FNTB: variants seen among roughly 807,000 people sequenced by gnomAD.
FNTB encodes farnesyltransferase, CAAX box, subunit beta.
Under a neutral mutation model 59.4 loss-of-function variants are expected in FNTB, and 27 were observed. That is an observed-to-expected ratio of 0.45 (90% CI 0.34 to 0.63). The LOEUF (loss-of-function observed/expected upper bound fraction) is 0.63. Ranked by LOEUF, FNTB falls within the 20% of genes least tolerant of loss-of-function variation. The pLI, the probability that FNTB is intolerant of heterozygous loss-of-function variation, is 0.02. For synonymous variants in FNTB, 230 were observed against 220.7 expected (o/e 1.04, Z -0.37); for missense variants, 449 against 559.6 (o/e 0.80, Z 1.99).
At chr14:64,989,717 G>T (rs1197081434) in intron 1 of FNTB, among the ~76,000 whole-genome samples, 1 of 152,182 alleles carries the variant, frequency 6.6e-6, no homozygotes, top group African/African-American at 2.4e-5. Context: ...AAATACTTGA[G>T]CGCCTTCTAC....
chr14:65,029,310 G>A lies in FNTB; in HGVS notation c.605+1529G>A, dbSNP rs1480651669. ...TTCTTTCATTGTCCTTTGCCTGGAAGCATCAGCCAGTCCTCAGGAGTGCTT... is the reference window on the plus strand; with the variant it reads ...TTCTTTCATTGTCCTTTGCCTGGAAACATCAGCCAGTCCTCAGGAGTGCTT... On this transcript the variant is annotated intron_variant, in intron 6 of 11. Coordinates refer to ENST00000246166, the MANE Select transcript of FNTB (RefSeq NM_002028.4). This position sits in a 1 kb window ranked among gnomAD's most constrained non-coding sequence, Gnocchi z 4.7. Among the ~76,000 whole-genome samples, 2 of 152,208 alleles carry A rather than the reference G, an allele frequency of 1.3e-5. No homozygotes were observed. The highest frequency in any genetic ancestry group is 2.9e-5 in the Non-Finnish European group (2 of 68,040).
intron 9 of FNTB, among the ~76,000 whole-genome samples, chr14:65,049,011 C>T (rs966426826): frequency 6.6e-6 from 1 of 151,780 alleles, no homozygotes; most frequent in African/African-American, 2.4e-5. Context: ...CCTGTAATCC[C>T]AGCTACTCAG....
In FNTB at chr14:65,062,243, C is replaced by G. The variant is rs539337859; in HGVS notation, c.*931C>G. 8.5e-5 allele frequency: 13 copies of G among 152,434 alleles called. No homozygotes were observed. Among genetic ancestry groups the G allele is most frequent in the African/African-American group, 3.1e-4 (13 of 41,604 alleles). The allele number at this position is 152,434 out of a possible 1,614,324, so 9.4% of individuals were successfully genotyped here. A position where few individuals can be genotyped will look rare whatever the true frequency, so the allele number is the denominator to read the frequency against. On this transcript the variant is annotated 3_prime_UTR_variant, in exon 12 of 12. Transcript: ENST00000246166. The surrounding 1 kb of genome is among the most constrained non-coding windows in gnomAD (Gnocchi z 4.3). ...TCTTTTCTCACCAAGAGTATTAACA[C>G]TACTAAGTCTTTCACCTTAACTTAT...
chr14:64,988,733 G>T (rs1402550004), intron 1 of FNTB, among the ~76,000 whole-genome samples: 1 of 152,082 alleles, frequency 6.6e-6, no homozygotes, highest in African/African-American at 2.4e-5. Flanking sequence ...CTCCTGGTGC[G>T]AGTATCTTTC....
rs114296392 is a variant in FNTB at position 64,998,657 on chromosome 14, C to T, written c.145-5592C>T. ...GGCTTTATTTGTCAGGATTTTTAAA[C>T]ACAAGTGACTCCATTTTGATTTTGA... is the stretch of plus-strand genomic sequence containing the variant. On this transcript the variant is annotated intron_variant, in intron 1 of 11. Transcript: ENST00000246166. Among the ~76,000 whole-genome samples, 1,003 of 152,294 alleles carry T rather than the reference C, an allele frequency of 6.6e-3. 13 individuals are homozygous for T. The highest frequency in any genetic ancestry group is 0.023 in the African/African-American group (949 of 41,572).
Position 65,044,995 on chromosome 14 carries a change from T to G in FNTB, c.955+552T>G, listed in dbSNP as rs1163216654. Among the ~76,000 whole-genome samples, 1 of 152,202 alleles carries G rather than the reference T, an allele frequency of 6.6e-6. No homozygotes were observed. Among genetic ancestry groups the G allele is most frequent in the Non-Finnish European group, 1.5e-5 (1 of 68,036 alleles). ...CTATTAGAAATGTTTTATTTTACAT[T>G]CATTGAATAAGCCTAAATGGGAGTT... is the stretch of plus-strand genomic sequence containing the variant. On this transcript the variant is annotated intron_variant, in intron 9 of 11. Transcript: ENST00000246166. The surrounding 1 kb of genome is among the most constrained non-coding windows in gnomAD (Gnocchi z 5.5).
intron 9 of FNTB, among the ~76,000 whole-genome samples, chr14:65,050,497 A>G (rs140004454): frequency 0.021 from 3,142 of 152,298 alleles, 66 homozygotes; most frequent in African/African-American, 0.051. Context: ...AGGCTGAGAC[A>G]GGAGAATGAC....
At position 65,009,378 on chromosome 14, in the gene FNTB, C is replaced by G. The variant is rs73268763; in HGVS notation, c.210-2939C>G. Among the ~76,000 whole-genome samples the G allele has an allele frequency of 0.02, 3,019 of 152,158 alleles. 72 individuals carry two copies. The highest frequency in any genetic ancestry group is 0.081 in the East Asian group (419 of 5,176). On this transcript the variant is annotated intron_variant, in intron 2 of 11. Coordinates refer to ENST00000246166, the MANE Select transcript of FNTB (RefSeq NM_002028.4). The surrounding 1 kb of genome is among the most constrained non-coding windows in gnomAD (Gnocchi z 4.2). ...CTAACTGCCTTATAATCCTTTTATT[C>G]GTCTCATGTAGATTCCCTAACACAC...
rs1436252629 is a variant in FNTB at position 65,047,476 on chromosome 14, T to C, written c.955+3033T>C. ...AATGCTAATCAAAAGAGTGGCACTA[T>C]TTGTTTTTATTATTGGATTGGCAGA... On this transcript the variant is annotated intron_variant, in intron 9 of 11. Coordinates refer to ENST00000246166, the MANE Select transcript of FNTB (RefSeq NM_002028.4). The surrounding 1 kb of genome is among the most constrained non-coding windows in gnomAD (Gnocchi z 5.2). Among the ~76,000 whole-genome samples the C allele has an allele frequency of 6.6e-6, 1 of 152,214 alleles. No individual in the cohort carries two copies. Among genetic ancestry groups the C allele is most frequent in the African/African-American group, 2.4e-5 (1 of 41,444 alleles).
intron 9 of FNTB, among the ~76,000 whole-genome samples, chr14:65,050,558 T>A (rs917364869): frequency 6.6e-6 from 1 of 152,166 alleles, no homozygotes; most frequent in Non-Finnish European, 1.5e-5. Context: ...ACCACTGCAC[T>A]CCAGCCTGGG....
At chr14:65,005,461 C>CTTTCTT (rs1555390056) in intron 2 of FNTB, among the ~76,000 whole-genome samples, 3 of 111,908 alleles carry the variant, frequency 2.7e-5, no homozygotes, top group East Asian at 6.3e-4. Context: ...TTCTTTCTTT[C>CTTTCTT]TTTCTTTCTT....
intron 8 of FNTB, among the ~76,000 whole-genome samples, chr14:65,041,702 C>G (rs1022010649): frequency 6.6e-6 from 1 of 152,214 alleles, no homozygotes; most frequent in African/African-American, 2.4e-5. Context: ...CCAGCAGTGT[C>G]TTGCCTCCAC....
At chr14:65,005,515 C>T (rs199774824) in intron 2 of FNTB, among the ~76,000 whole-genome samples, 190 of 92,592 alleles carry the variant, frequency 2.1e-3, no homozygotes, top group African/African-American at 4.9e-3. Context: ...CTTTCTTTCT[C>T]TCTCTCTTTC....
intron 3 of FNTB, among the ~76,000 whole-genome samples, chr14:65,015,196 G>A (rs1167778769): frequency 4.0e-5 from 6 of 150,676 alleles, no homozygotes; most frequent in African/African-American, 1.2e-4. Flanking sequence ...TCTGCCTCCC[G>A]GGTTCAAGTG....
intron 2 of FNTB, 44 bp downstream of exon 2, chr14:65,004,357 C>T (rs1488166724): frequency 6.3e-7 from 1 of 1,584,014 alleles, no homozygotes; most frequent in Non-Finnish European, 8.6e-7. Context: ...GAGAACACCA[C>T]CATGCAGCAG....
At chr14:65,015,798 T>C (rs866040757) in intron 4 of FNTB, 82 bp downstream of exon 4, 2 of 1,511,890 alleles carry the variant, frequency 1.3e-6, no homozygotes, top group South Asian at 1.2e-5. Flanking sequence ...CTGTTTTGTT[T>C]GTTTGGAATG....
At chr14:65,005,454 TTTC>T (rs1201980200) in intron 2 of FNTB, among the ~76,000 whole-genome samples, 115 of 56,490 alleles carry the variant, frequency 2.0e-3, no homozygotes, top group Middle Eastern at 0.011. Flanking sequence ...CTTTCTTTTC[TTTC>T]TTTCTTTCTT....
chr14:65,044,100 G>C lies in FNTB; in HGVS notation c.823-211G>C, dbSNP rs768161899. ...AGGCATTGAGCAGAGATCAGTGCTG[G>C]ATGCCTCTACAGCGTTGGCTTAAAT... is the stretch of plus-strand genomic sequence containing the variant. On this transcript the variant is annotated intron_variant, in intron 8 of 11. Coordinates refer to ENST00000246166, the MANE Select transcript of FNTB (RefSeq NM_002028.4). This position sits in a 1 kb window ranked among gnomAD's most constrained non-coding sequence, Gnocchi z 5.5. 6.6e-6 allele frequency among the ~76,000 whole-genome samples: 1 copy of C among 152,192 alleles called. No individual in the cohort carries two copies. Among genetic ancestry groups the C allele is most frequent in the Admixed American group, 6.5e-5 (1 of 15,278 alleles).
In FNTB at chr14:65,047,519, C is replaced by A. The variant is rs557020541; in HGVS notation, c.955+3076C>A. Among the ~76,000 whole-genome samples, 2 of 152,202 alleles carry A rather than the reference C, an allele frequency of 1.3e-5. No individual in the cohort carries two copies. The highest frequency in any genetic ancestry group is 4.8e-5 in the African/African-American group (2 of 41,508). ...TTGGCAGAGATTAAAAAACTTGATA[C>A]CCTATGTTGGGGAGAGTGTGAGAAA... On this transcript the variant is annotated intron_variant, in intron 9 of 11. Coordinates refer to ENST00000246166, the MANE Select transcript of FNTB (RefSeq NM_002028.4). This position sits in a 1 kb window ranked among gnomAD's most constrained non-coding sequence, Gnocchi z 5.2.
Sources: gnomAD v4.1 joint callset for allele counts (sites outside exome capture counted in the v4.1 genomes callset) on GRCh38, gnomAD v4.1.1 for gene constraint, Gnocchi (gnomAD v3.1) non-coding constraint, MANE v1.5 for transcripts, NCBI Gene and HGNC (gene_info 2026-07-23, HGNC 2026-07-21) for gene names.